Variants in SPDYA observed in about 807,000 individuals in gnomAD.
The protein encoded by SPDYA is speedy/RINGO cell cycle regulator family member A.
SPDYA carries 11 observed loss-of-function variants against 36.7 expected under a neutral mutation model. That is an observed-to-expected ratio of 0.30 (90% CI 0.19 to 0.50). The LOEUF is 0.50. Ranked by LOEUF, SPDYA falls within the 20% of genes least tolerant of loss-of-function variation. The probability of loss-of-function intolerance (pLI) is 0.98; values close to 1 mark genes in which losing one functional copy is unlikely to be tolerated. For missense variants in SPDYA, 287 were observed against 370.9 expected (o/e 0.77, Z 1.86); for synonymous variants, 115 against 118.7 (o/e 0.97, Z 0.20).
intron 3 of SPDYA, among the ~76,000 whole-genome samples, chr2:28,818,165 A>T (rs999806552): frequency 1.3e-5 from 2 of 152,064 alleles, no homozygotes; most frequent in African/African-American, 4.8e-5. Context: ...GACCCTGTTT[A>T]AAAAAAGGAA....
At chr2:28,833,355 C>T (rs76460237) in intron 6 of SPDYA, among the ~76,000 whole-genome samples, 105 of 152,248 alleles carry the variant, frequency 6.9e-4, no homozygotes, top group African/African-American at 2.5e-3. Flanking sequence ...GCCTCCTTAC[C>T]TCAAAGATAC....
intron 7 of SPDYA, among the ~76,000 whole-genome samples, chr2:28,842,828 A>T (rs960732319): frequency 1.6e-4 from 25 of 152,302 alleles, no homozygotes; most frequent in African/African-American, 6.0e-4. Flanking sequence ...GGGAGAGTGC[A>T]GGATAATAGG....
At chr2:28,840,692 A>T in intron 7 of SPDYA, 4 of 1,281,378 alleles carry the variant, frequency 3.1e-6, no homozygotes, top group Non-Finnish European at 3.9e-6. Flanking sequence ...GTTAAGTTGA[A>T]AACTAATGCA....
At chr2:28,815,959 ATG>A (rs1417860490) in intron 2 of SPDYA, 36 bp from the exon 3 acceptor site, 2 of 1,331,974 alleles carry the variant, frequency 1.5e-6, no homozygotes, top group Non-Finnish European at 2.1e-6. Context: ...TATGAAATGA[ATG>A]TGTGTGATGA....
In SPDYA at chr2:28,849,971, T is replaced by A; in HGVS notation, c.*30T>A. 1 of 1,494,398 alleles carries A rather than the reference T, an allele frequency of 6.7e-7. No individual in the cohort carries two copies. Among genetic ancestry groups the A allele is most frequent in the Non-Finnish European group, 9.2e-7 (1 of 1,089,392 alleles). The allele number at this position is 1,494,398 out of a possible 1,614,324, so 92.6% of individuals were successfully genotyped here. A position where few individuals can be genotyped will look rare whatever the true frequency, so the allele number is the denominator to read the frequency against. On this transcript the variant is annotated 3_prime_UTR_variant, in exon 8 of 8. Coordinates refer to ENST00000334056, the MANE Select transcript of SPDYA (RefSeq NM_182756.4). Reference sequence around the variant, plus strand: ...GCCCAACTAAACCAATTTGGAATCATTAACTACAAAATGTCAAACTAACTG... The same window carrying A: ...GCCCAACTAAACCAATTTGGAATCAATAACTACAAAATGTCAAACTAACTG...
rs1229823460 is a variant in SPDYA at position 28,835,297 on chromosome 2, C to T, written c.553-4875C>T. 4.0e-5 allele frequency among the ~76,000 whole-genome samples: 6 copies of T among 151,456 alleles called. No homozygotes were observed. In the South Asian group the frequency reaches 1.0e-3, roughly 26 times the overall value. ...CTGGAGTGCAATGGCGTGATCTTGGCTCACTGCAACCTCCACCTCCTGGGT... is the reference window on the plus strand; with the variant it reads ...CTGGAGTGCAATGGCGTGATCTTGGTTCACTGCAACCTCCACCTCCTGGGT... On this transcript the variant is annotated intron_variant, in intron 6 of 7. Transcript: ENST00000334056.
intron 7 of SPDYA, among the ~76,000 whole-genome samples, chr2:28,845,989 C>A (rs1425917627): frequency 6.6e-6 from 1 of 152,214 alleles, no homozygotes; most frequent in Non-Finnish European, 1.5e-5. Context: ...ATAGAAACTT[C>A]AGAAGTTCCC....
intron 7 of SPDYA, among the ~76,000 whole-genome samples, chr2:28,842,710 A>G (rs1451011863): frequency 6.6e-6 from 1 of 152,210 alleles, no homozygotes; most frequent in Non-Finnish European, 1.5e-5. Flanking sequence ...GTCAGAGTGT[A>G]AGCAATATAA....
At chr2:28,842,650 T>C (rs530956845) in intron 7 of SPDYA, among the ~76,000 whole-genome samples, 22 of 152,328 alleles carry the variant, frequency 1.4e-4, no homozygotes, top group African/African-American at 4.8e-4. Flanking sequence ...ATAGCCATTT[T>C]ATTCTGAGTA....
At chr2:28,849,793 T>C (rs1668990810) in intron 7 of SPDYA, 57 bp from the exon 8 acceptor site, 1 of 968,868 alleles carries the variant, frequency 1.0e-6, no homozygotes, top group South Asian at 1.6e-5. Flanking sequence ...CATTATAAGA[T>C]GTATTTAAAA....
chr2:28,845,094 T>C (rs1668837405), intron 7 of SPDYA, among the ~76,000 whole-genome samples: 1 of 151,838 alleles, frequency 6.6e-6, no homozygotes, highest in Non-Finnish European at 1.5e-5. Context: ...CAAATGCTTT[T>C]TTCCCCCACC....
intron 6 of SPDYA, among the ~76,000 whole-genome samples, chr2:28,839,918 C>A (rs1668709311): frequency 6.6e-6 from 1 of 152,184 alleles, no homozygotes; most frequent in Non-Finnish European, 1.5e-5. Flanking sequence ...AATACCCTGA[C>A]AACCTGGAAG....
chr2:28,848,398 C>T (rs893561402), intron 7 of SPDYA, among the ~76,000 whole-genome samples: 1 of 152,210 alleles, frequency 6.6e-6, no homozygotes, highest in African/African-American at 2.4e-5. Context: ...ACCCCAGCAT[C>T]ACTTTTTATT....
At chr2:28,846,158 A>T (rs1668869546) in intron 7 of SPDYA, among the ~76,000 whole-genome samples, 1 of 152,146 alleles carries the variant, frequency 6.6e-6, no homozygotes, top group South Asian at 2.1e-4. Context: ...TAATCCCAGC[A>T]CTTTGGGAGG....
chr2:28,849,820 A>G (rs766094274), intron 7 of SPDYA, 30 bp from the exon 8 acceptor site: 56 of 1,329,540 alleles, frequency 4.2e-5, no homozygotes, highest in Non-Finnish European at 5.9e-5. Context: ...GATACATAAA[A>G]TTTATCTTAA....
At chr2:28,830,254 A>G (rs1317931777) in intron 6 of SPDYA, among the ~76,000 whole-genome samples, 2 of 125,750 alleles carry the variant, frequency 1.6e-5, no homozygotes, top group South Asian at 2.8e-4. Flanking sequence ...CCCAGGCTGG[A>G]GTGCAGTGGT....
At chr2:28,824,200 G>T (rs1668255185) in intron 5 of SPDYA, among the ~76,000 whole-genome samples, 1 of 152,072 alleles carries the variant, frequency 6.6e-6, no homozygotes, top group African/African-American at 2.4e-5. Context: ...GGACTAGGCT[G>T]GGTACAGTGG....
chr2:28,814,466 T>C (rs1667935142), intron 1 of SPDYA, 147 bp from the exon 2 acceptor site: 1 of 152,200 alleles, frequency 6.6e-6, no homozygotes, highest in Admixed American at 6.5e-5. Flanking sequence ...CTTTTGGACA[T>C]ATTGGGTTAC....
At chr2:28,825,242 T>G (rs1668288949) in intron 5 of SPDYA, among the ~76,000 whole-genome samples, 1 of 149,656 alleles carries the variant, frequency 6.7e-6, no homozygotes, top group Non-Finnish European at 1.5e-5. Context: ...TATTTTGTGT[T>G]TTTTTTTTAC....
Sources: gnomAD v4.1 joint callset for allele counts (sites outside exome capture counted in the v4.1 genomes callset) on GRCh38, gnomAD v4.1.1 for gene constraint, MANE v1.5 for transcripts, NCBI Gene and HGNC (gene_info 2026-07-23, HGNC 2026-07-21) for gene names.